Variants in CLYBL observed in about 807,000 individuals in gnomAD.
The protein encoded by CLYBL is citramalyl-CoA lyase.
CLYBL carries 31 observed loss-of-function variants against 38.9 expected under a neutral mutation model. The observed-to-expected ratio is 0.80, with a 90% confidence interval of 0.60 to 1.08. CLYBL has a LOEUF of 1.08. CLYBL is among the 50% of genes least tolerant of loss of function. The pLI is 0.00. For missense variants in CLYBL, 434 were observed against 411.6 expected, an observed-to-expected ratio of 1.05 and a Z score of -0.47; for synonymous variants, 171 against 158.6, an observed-to-expected ratio of 1.08 and a Z score of -0.59.
chr13:99,712,517 G>GTT (rs148738034), intron 1 of CLYBL, among the ~76,000 whole-genome samples: 7 of 146,602 alleles, frequency 4.8e-5, no homozygotes, highest in East Asian at 4.0e-4. Flanking sequence ...GTTTTTTTGA[G>GTT]TTTTTTTTTT....
At chr13:99,859,422 G>C (rs1209675178) in intron 3 of CLYBL, among the ~76,000 whole-genome samples, 1 of 152,132 alleles carries the variant, frequency 6.6e-6, no homozygotes, top group African/African-American at 2.4e-5. Flanking sequence ...GAGCAGTGAC[G>C]TAAATGGCCC....
chr13:99,717,035 C>T (rs2139513947), intron 1 of CLYBL, among the ~76,000 whole-genome samples: 1 of 151,948 alleles, frequency 6.6e-6, no homozygotes, highest in East Asian at 2.0e-4. Flanking sequence ...AGGTAATCCG[C>T]CCACCTTGGC....
At chr13:99,711,696 G>A (rs377500364) in intron 1 of CLYBL, among the ~76,000 whole-genome samples, 4 of 150,144 alleles carry the variant, frequency 2.7e-5, no homozygotes, top group Non-Finnish European at 3.0e-5. Context: ...GTGAGCCACC[G>A]CACGCAGCTT....
chr13:99,799,504 C>A (rs1295616433), intron 2 of CLYBL, among the ~76,000 whole-genome samples: 1 of 152,148 alleles, frequency 6.6e-6, no homozygotes. Flanking sequence ...GCTTGCAGGA[C>A]TTGCCAATTT....
chr13:99,628,850 T>C (rs190436048), intron 1 of CLYBL, among the ~76,000 whole-genome samples: 1 of 152,348 alleles, frequency 6.6e-6, no homozygotes. Context: ...ATATTGTTAT[T>C]TTCTGTTTCT....
chr13:99,795,324 C>T (rs1225655790), intron 2 of CLYBL, among the ~76,000 whole-genome samples: 1 of 152,112 alleles, frequency 6.6e-6, no homozygotes, highest in East Asian at 1.9e-4. Flanking sequence ...TATTCTTGGG[C>T]AAGTTATTGA....
At chr13:99,761,485 A>G (rs554302485) in intron 1 of CLYBL, among the ~76,000 whole-genome samples, 1 of 152,214 alleles carries the variant, frequency 6.6e-6, no homozygotes. Flanking sequence ...AGTACAATCC[A>G]TGTTGCTGCA....
intron 1 of CLYBL, among the ~76,000 whole-genome samples, chr13:99,699,734 CT>C (rs2048034308): frequency 6.6e-6 from 1 of 150,508 alleles, no homozygotes; most frequent in Non-Finnish European, 1.5e-5. Context: ...TGGCTCACGC[CT>C]GTAATCCCAG....
At chr13:99,896,652 G>T (rs182288069), downstream of CLYBL, 2 of 152,248 alleles carry the variant, frequency 1.3e-5, no homozygotes, top group African/African-American at 2.4e-5. Context: ...TCCTCCAGTC[G>T]AATCGCCCAC....
chr13:99,619,274 T>C (rs762960779), intron 1 of CLYBL, among the ~76,000 whole-genome samples: 3 of 152,142 alleles, frequency 2.0e-5, no homozygotes, highest in Non-Finnish European at 4.4e-5. Context: ...AGTCTTGCCC[T>C]TCCACCCTGC....
intron 1 of CLYBL, among the ~76,000 whole-genome samples, chr13:99,734,792 A>C (rs1009356824): frequency 1.3e-5 from 2 of 152,190 alleles, no homozygotes; most frequent in Non-Finnish European, 2.9e-5. Context: ...GATAGGGAAC[A>C]TTACCTTTGA....
chr13:99,609,176 T>G (rs1300484296), intron 1 of CLYBL, among the ~76,000 whole-genome samples: 1 of 125,648 alleles, frequency 8.0e-6, no homozygotes, highest in African/African-American at 3.0e-5. Flanking sequence ...TTTGTTTTTT[T>G]TTTTTTTTTT....
At chr13:99,795,783 C>A (rs992907783) in intron 2 of CLYBL, among the ~76,000 whole-genome samples, 3 of 152,150 alleles carry the variant, frequency 2.0e-5, no homozygotes, top group Non-Finnish European at 4.4e-5. Flanking sequence ...AAAGACTATT[C>A]AAGAATTGGA....
At chr13:99,733,561 G>T (rs1415243342) in intron 1 of CLYBL, among the ~76,000 whole-genome samples, 1 of 152,184 alleles carries the variant, frequency 6.6e-6, no homozygotes, top group African/African-American at 2.4e-5. Flanking sequence ...AGGAACACCA[G>T]GTCATTATCG....
intron 1 of CLYBL, among the ~76,000 whole-genome samples, chr13:99,671,796 TAATA>T (rs2047569868): frequency 7.2e-6 from 1 of 139,078 alleles, no homozygotes; most frequent in South Asian, 2.2e-4. Context: ...AAAAAAAAAA[TAATA>T]AAAGCTACTG....
downstream of CLYBL, among the ~76,000 whole-genome samples, chr13:99,900,468 G>A (rs903129174): frequency 1.3e-5 from 2 of 151,920 alleles, no homozygotes; most frequent in Non-Finnish European, 2.9e-5. Context: ...ATTTTGTCCC[G>A]TCCCCTGATC....
At chr13:99,804,293 G>T (rs943388760) in intron 2 of CLYBL, among the ~76,000 whole-genome samples, 6 of 152,228 alleles carry the variant, frequency 3.9e-5, no homozygotes, top group Admixed American at 2.6e-4. Context: ...ATCTGGATTT[G>T]ACATTAAACT....
At chr13:99,850,278 G>T (rs930622788) in intron 2 of CLYBL, among the ~76,000 whole-genome samples, 17 of 152,234 alleles carry the variant, frequency 1.1e-4, no homozygotes, top group Non-Finnish European at 2.4e-4. Context: ...AATATCTAAA[G>T]AACTGTTATT....
chr13:99,799,888 C>T (rs576446910), intron 2 of CLYBL, among the ~76,000 whole-genome samples: 1 of 152,316 alleles, frequency 6.6e-6, no homozygotes, highest in African/African-American at 2.4e-5. Context: ...GGTCAGATGT[C>T]GCGTGCACCC....
Sources: allele counts gnomAD v4.1 joint callset (sites outside exome capture counted in the v4.1 genomes callset), GRCh38; gene constraint gnomAD v4.1.1; transcripts MANE v1.5; gene names NCBI Gene and HGNC (gene_info 2026-07-23, HGNC 2026-07-21).